The following DPP10 variants were observed in gnomAD, a reference collection of about 807,000 sequenced individuals.
DPP10 encodes the protein inactive dipeptidyl peptidase 10.
In DPP10, 33 loss-of-function variants were observed where a neutral mutation model predicts 120.9. The ratio of observed to expected loss-of-function variants is 0.27; its 90% confidence interval spans 0.21 to 0.37. The LOEUF (loss-of-function observed/expected upper bound fraction) is 0.37, where lower values mean the gene tolerates loss of function less well. DPP10 is among the 10% of genes least tolerant of loss of function. The pLI is 1.00. For synonymous variants in DPP10, 337 were observed against 326.1 expected, an observed-to-expected ratio of 1.03 and a Z score of -0.36; for missense variants, 816 against 942.8, an observed-to-expected ratio of 0.87 and a Z score of 1.76.
At chr2:115,467,820 A>T (rs915666665) in intron 3 of DPP10, among the ~76,000 whole-genome samples, 1 of 152,216 alleles carries the variant, frequency 6.6e-6, no homozygotes, top group African/African-American at 2.4e-5. Flanking sequence ...CTTGTGAAGC[A>T]AAATTTATAG....
chr2:114,566,436 T>C (rs1406815927), intron 1 of DPP10, among the ~76,000 whole-genome samples: 1 of 152,230 alleles, frequency 6.6e-6, no homozygotes, highest in Non-Finnish European at 1.5e-5. Context: ...TCTCACATGC[T>C]CCTCGACATC....
chr2:114,916,818 C>G (rs571354975), intron 1 of DPP10, among the ~76,000 whole-genome samples: 1 of 152,108 alleles, frequency 6.6e-6, no homozygotes, highest in Non-Finnish European at 1.5e-5. Context: ...AAGGAATACA[C>G]CTCAAAATAA....
intron 1 of DPP10, among the ~76,000 whole-genome samples, chr2:115,249,538 C>T (rs1031233801): frequency 1.3e-5 from 2 of 152,026 alleles, no homozygotes; most frequent in Admixed American, 1.3e-4. Flanking sequence ...TCATTTCATA[C>T]CATAATAAGG....
chr2:115,366,485 A>G lies in DPP10; in HGVS notation c.271+22573A>G, dbSNP rs541937842. Among the ~76,000 whole-genome samples, 3 of 152,188 alleles carry G rather than the reference A, an allele frequency of 2.0e-5. 1 individual carries two copies. In the South Asian group the frequency reaches 6.2e-4, roughly 32 times the overall value. Reference sequence around the variant, plus strand: ...TTATATACAATGTACATTGCTATGTATGTCTTTAAGTTAGTGTACAGATTT... The same window carrying G: ...TTATATACAATGTACATTGCTATGTGTGTCTTTAAGTTAGTGTACAGATTT... On this transcript the variant is annotated intron_variant, in intron 3 of 25. Coordinates refer to ENST00000410059, the MANE Select transcript of DPP10 (RefSeq NM_020868.6).
At chr2:114,745,433 C>A (rs533944145) in intron 1 of DPP10, among the ~76,000 whole-genome samples, 1 of 152,238 alleles carries the variant, frequency 6.6e-6, no homozygotes, top group South Asian at 2.1e-4. Context: ...ATAAAAGGAA[C>A]ATATTATCAG....
At chr2:114,907,884 C>T (rs990285828) in intron 1 of DPP10, among the ~76,000 whole-genome samples, 1 of 152,006 alleles carries the variant, frequency 6.6e-6, no homozygotes, top group Non-Finnish European at 1.5e-5. Context: ...AGTTGTTCTA[C>T]TTATTATTGG....
intron 1 of DPP10, among the ~76,000 whole-genome samples, chr2:115,092,315 C>T (rs1014283347): frequency 1.2e-4 from 18 of 152,122 alleles, no homozygotes; most frequent in Non-Finnish European, 5.9e-5. Flanking sequence ...AATGCTCTTG[C>T]CACTCCTTTT....
chr2:114,903,569 C>T (rs989531550), intron 1 of DPP10, among the ~76,000 whole-genome samples: 6 of 152,126 alleles, frequency 3.9e-5, no homozygotes, highest in Non-Finnish European at 5.9e-5. Flanking sequence ...CTCAATATCT[C>T]TTCTTTGATA....
At chr2:114,934,141 T>C (rs1696284419) in intron 1 of DPP10, among the ~76,000 whole-genome samples, 1 of 152,182 alleles carries the variant, frequency 6.6e-6, no homozygotes, top group Non-Finnish European at 1.5e-5. Flanking sequence ...AATAAATCAG[T>C]GACTCTTTTC....
chr2:115,423,877 G>T (rs1205845778), intron 3 of DPP10, among the ~76,000 whole-genome samples: 1 of 151,918 alleles, frequency 6.6e-6, no homozygotes, highest in African/African-American at 2.4e-5. Context: ...ACTTTTATGG[G>T]TTTATCTTTG....
intron 1 of DPP10, among the ~76,000 whole-genome samples, chr2:115,293,328 A>G (rs2060740885): frequency 1.3e-5 from 2 of 152,110 alleles, no homozygotes; most frequent in Admixed American, 6.5e-5. Context: ...TATGAACCGA[A>G]TGTTTCCTTA....
At chr2:115,711,916 GTTT>G (rs1245249118) in intron 7 of DPP10, among the ~76,000 whole-genome samples, 11 of 44,766 alleles carry the variant, frequency 2.5e-4, no homozygotes, top group Non-Finnish European at 4.4e-4. Flanking sequence ...AAATGGTCTG[GTTT>G]TTTTTTTTTT....
chr2:115,167,787 G>C (rs941180256), intron 1 of DPP10, among the ~76,000 whole-genome samples: 1 of 152,096 alleles, frequency 6.6e-6, no homozygotes, highest in Non-Finnish European at 1.5e-5. Flanking sequence ...CAGGCATCCA[G>C]ATTTCAAAAT....
At chr2:114,560,582 G>A (rs114940814) in intron 1 of DPP10, among the ~76,000 whole-genome samples, 1 of 152,222 alleles carries the variant, frequency 6.6e-6, no homozygotes, top group African/African-American at 2.4e-5. Context: ...TGAGGAGAGA[G>A]TGGGGCCCAG....
In DPP10 at chr2:115,099,139, A is replaced by G. The variant is rs573155368; in HGVS notation, c.61-210100A>G. 5.3e-5 allele frequency among the ~76,000 whole-genome samples: 8 copies of G among 151,492 alleles called. No homozygotes were observed. The South Asian group carries it at 1.2e-3, about 24-fold the overall frequency. ...ATCTCTGCTAAAAATACAAAAAAAA[A>G]AAAAAAAGAAAAAAAGAAAAGAAAA... On this transcript the variant is annotated intron_variant, in intron 1 of 25. Transcript: ENST00000410059.
rs143782656 is a variant in DPP10, at chr2:115,518,240, G to A, written c.367-7658G>A. The stretch of plus-strand genomic sequence containing the variant: ...ATGAGGTTTGAAGGAGTCAAACATC[G>A]AAACTGTAGCAATATCAAATATGGT... On this transcript the variant is annotated intron_variant, in intron 4 of 25. Transcript: ENST00000410059. Among the ~76,000 whole-genome samples, 1,128 of 152,210 alleles carry A rather than the reference G, an allele frequency of 7.4e-3. 6 individuals are homozygous for A. The highest frequency in any genetic ancestry group is 0.025 in the African/African-American group (1,033 of 41,522).
At chr2:115,522,459 G>A (rs575860644) in intron 4 of DPP10, among the ~76,000 whole-genome samples, 9 of 152,260 alleles carry the variant, frequency 5.9e-5, no homozygotes, top group African/African-American at 9.6e-5. Flanking sequence ...CATAAGATTC[G>A]CTTGAATGGA....
chr2:115,220,384 C>T (rs1396000828), intron 1 of DPP10, among the ~76,000 whole-genome samples: 5 of 73,984 alleles, frequency 6.8e-5, no homozygotes, highest in East Asian at 3.5e-4. Flanking sequence ...TGTGACCTTA[C>T]GAAAGATACC....
chr2:115,542,755 T>C (rs2079246613), intron 5 of DPP10, among the ~76,000 whole-genome samples: 2 of 151,716 alleles, frequency 1.3e-5, no homozygotes, highest in Non-Finnish European at 2.9e-5. Context: ...ACTCTACAGT[T>C]TGTGGTAACT....
Sources: allele counts gnomAD v4.1 joint callset (sites outside exome capture counted in the v4.1 genomes callset), GRCh38; gene constraint gnomAD v4.1.1; transcripts MANE v1.5; gene names NCBI Gene and HGNC (gene_info 2026-07-23, HGNC 2026-07-21).